Variants in PHF14 observed in about 807,000 individuals in gnomAD.
The protein encoded by PHF14 is PHD finger protein 14.
PHF14 carries 55 observed loss-of-function variants against 117.9 expected under a neutral mutation model. That is an observed-to-expected ratio of 0.47 (90% confidence interval 0.38 to 0.58). PHF14 has a LOEUF of 0.58. Ranked by LOEUF, PHF14 falls within the 20% of genes least tolerant of loss-of-function variation. The pLI is 0.00. For synonymous variants in PHF14, 409 were observed against 368.6 expected (o/e 1.11, Z -1.26); for missense variants, 978 against 1,122.2 (o/e 0.87, Z 1.84).
At chr7:11,023,870 G>T (rs1023053473) in intron 6 of PHF14, among the ~76,000 whole-genome samples, 1 of 152,064 alleles carries the variant, frequency 6.6e-6, no homozygotes, top group Non-Finnish European at 1.5e-5. Flanking sequence ...TAATTCTACA[G>T]TGGCCTCTAA....
chr7:11,027,644 A>G (rs1783971258), intron 6 of PHF14, among the ~76,000 whole-genome samples: 1 of 152,158 alleles, frequency 6.6e-6, no homozygotes, highest in South Asian at 2.1e-4. Context: ...AAGAATGTAC[A>G]TAATTGACTG....
chr7:11,086,270 T>A (rs1786406039), intron 16 of PHF14, among the ~76,000 whole-genome samples: 1 of 152,200 alleles, frequency 6.6e-6, no homozygotes, highest in African/African-American at 2.4e-5. Context: ...ATAGCATGGC[T>A]TATAAGGCCC....
At chr7:11,097,665 T>C (rs1311521248) in intron 16 of PHF14, among the ~76,000 whole-genome samples, 1 of 152,198 alleles carries the variant, frequency 6.6e-6, no homozygotes, top group Non-Finnish European at 1.5e-5. Context: ...AGAGGCAGAG[T>C]TCAGGCTAGT....
intron 17 of PHF14, among the ~76,000 whole-genome samples, chr7:11,113,090 T>C (rs1787495978): frequency 1.3e-5 from 2 of 152,090 alleles, no homozygotes. Flanking sequence ...GATTTTCTCC[T>C]ACCCCCAGCA....
At chr7:11,073,625 G>A (rs1018945495) in intron 16 of PHF14, among the ~76,000 whole-genome samples, 4 of 152,162 alleles carry the variant, frequency 2.6e-5, no homozygotes, top group African/African-American at 7.2e-5. Flanking sequence ...AGGCAACAGC[G>A]CCCTTCCCAC....
intron 17 of PHF14, among the ~76,000 whole-genome samples, chr7:11,126,688 A>G (rs542170932): frequency 2.8e-4 from 42 of 151,780 alleles, no homozygotes; most frequent in Non-Finnish European, 4.7e-4. Context: ...TCTTTTATCA[A>G]TGAAAAGCTT....
intron 4 of PHF14, among the ~76,000 whole-genome samples, chr7:10,993,131 G>C (rs1298404730): frequency 1.3e-5 from 2 of 152,050 alleles, no homozygotes; most frequent in Non-Finnish European, 2.9e-5. Context: ...TACCAATTTA[G>C]AATACTGGTG....
At position 11,130,261 on chromosome 7, in the gene PHF14, C is replaced by A. The variant is rs1385850070; in HGVS notation, c.2772+18794C>A. 6.6e-6 allele frequency among the ~76,000 whole-genome samples: 1 copy of A among 152,094 alleles called. No homozygotes were observed. The highest frequency in any genetic ancestry group is 1.9e-4 in the East Asian group (1 of 5,174). On this transcript the variant is annotated intron_variant, in intron 17 of 17. Transcript: ENST00000634607. This position sits in a 1 kb window ranked among gnomAD's most constrained non-coding sequence, Gnocchi z 4.2. ...ACATTCCTCAGATGACGCAGTCAAACCTAACTTTAAGAAGCCAGTAAGTGT... is the reference window on the plus strand; with the variant it reads ...ACATTCCTCAGATGACGCAGTCAAAACTAACTTTAAGAAGCCAGTAAGTGT...
chr7:10,982,457 A>G lies in PHF14; in HGVS notation c.198A>G (p.Leu66=), dbSNP rs1349505968. 6.3e-7 allele frequency: 1 copy of G among 1,591,702 alleles called. No homozygotes were observed. The highest frequency in any genetic ancestry group is 8.6e-7 in the Non-Finnish European group (1 of 1,164,450). The stretch of plus-strand genomic sequence containing the variant: ...GTAGTGATTCTGAAGAAAATATTTT[A>G]GAAGAAGAACTGAATGAAGATATTA... ...GSCSDSEENI[L]EEELNEDIKV... Residue 66 remains leucine, a synonymous_variant, in exon 3 of 18, where the codon TTA becomes TTG. Transcript: ENST00000634607.
intron 17 of PHF14, among the ~76,000 whole-genome samples, chr7:11,166,340 A>C (rs1789201480): frequency 6.6e-6 from 1 of 151,920 alleles, no homozygotes; most frequent in African/African-American, 2.4e-5. Context: ...AAAAAAAAAA[A>C]CCCTCCTGTA....
intron 8 of PHF14, among the ~76,000 whole-genome samples, 194 bp from the exon 9 acceptor site, chr7:11,036,223 TA>T (rs1784322275): frequency 6.6e-6 from 1 of 152,190 alleles, no homozygotes; most frequent in Non-Finnish European, 1.5e-5. Flanking sequence ...CAGTTGTTAC[TA>T]GGGGCAGATA....
At chr7:10,999,022 A>T (rs1443036331) in intron 4 of PHF14, among the ~76,000 whole-genome samples, 1 of 152,184 alleles carries the variant, frequency 6.6e-6, no homozygotes, top group East Asian at 1.9e-4. Flanking sequence ...CTTCTTTTGC[A>T]AAGTTCTGGC....
chr7:11,117,112 C>A (rs1014730741), intron 17 of PHF14, among the ~76,000 whole-genome samples: 2 of 151,838 alleles, frequency 1.3e-5, no homozygotes, highest in Non-Finnish European at 2.9e-5. Flanking sequence ...AAAGTGCTTC[C>A]TCCAGGTCAT....
intron 16 of PHF14, among the ~76,000 whole-genome samples, chr7:11,087,223 G>T (rs112169715): frequency 1.1e-4 from 16 of 149,702 alleles, no homozygotes; most frequent in African/African-American, 4.0e-4. Context: ...ATGGAGTCTC[G>T]CTCTGTCATC....
intron 13 of PHF14, among the ~76,000 whole-genome samples, chr7:11,049,045 C>T (rs990800596): frequency 6.6e-6 from 1 of 151,728 alleles, no homozygotes. Context: ...AAAAGAGAAG[C>T]GAAGAGGAAA....
rs570218643 is a variant in PHF14, at chr7:11,101,895, A to G, written c.2655-9455A>G. On this transcript the variant is annotated intron_variant, in intron 16 of 17. Coordinates refer to ENST00000634607, the MANE Select transcript of PHF14 (RefSeq NM_001007157.2). Reference sequence around the variant, plus strand: ...TCACTAAAATTTCTCCACTGAAAATAAAGACAAAAAGGTAACAAATAATTG... The same window carrying G: ...TCACTAAAATTTCTCCACTGAAAATGAAGACAAAAAGGTAACAAATAATTG... Among the ~76,000 whole-genome samples, 25 of 152,000 alleles carry G rather than the reference A, an allele frequency of 1.6e-4. No homozygotes were observed. In the South Asian group the frequency reaches 4.8e-3, roughly 29 times the overall value.
intron 6 of PHF14, among the ~76,000 whole-genome samples, chr7:11,025,454 A>T (rs1442538460): frequency 6.6e-6 from 1 of 152,220 alleles, no homozygotes; most frequent in Non-Finnish European, 1.5e-5. Flanking sequence ...GAAATCTTTC[A>T]TAAAAGGAAG....
At chr7:11,126,380 C>T (rs553494999) in intron 17 of PHF14, among the ~76,000 whole-genome samples, 39 of 152,004 alleles carry the variant, frequency 2.6e-4, no homozygotes, top group Non-Finnish European at 4.3e-4. Context: ...CTTTTATAAG[C>T]AGGCTAAGTG....
At chr7:10,993,563 A>G (rs1782533276) in intron 4 of PHF14, among the ~76,000 whole-genome samples, 1 of 152,230 alleles carries the variant, frequency 6.6e-6, no homozygotes, top group Non-Finnish European at 1.5e-5. Flanking sequence ...ACCTGGTGGA[A>G]CTTAATGTCT....
Sources: allele counts gnomAD v4.1 joint callset (sites outside exome capture counted in the v4.1 genomes callset), GRCh38; gene constraint gnomAD v4.1.1; non-coding constraint Gnocchi (gnomAD v3.1); transcripts MANE v1.5; gene names NCBI Gene and HGNC (gene_info 2026-07-23, HGNC 2026-07-21).